Variants in CACNA1E observed in about 807,000 individuals in gnomAD.
The protein encoded by CACNA1E is calcium voltage-gated channel subunit alpha1 E.
CACNA1E carries 40 observed loss-of-function variants against 259.2 expected under a neutral mutation model. The ratio of observed to expected loss-of-function variants is 0.15; its 90% CI spans 0.12 to 0.20. CACNA1E has a LOEUF of 0.20. Among genes scored for constraint, CACNA1E ranks in the 10% least tolerant of loss-of-function variants. The pLI is 1.00. For synonymous variants in CACNA1E, 1,104 were observed against 1,138.5 expected (o/e 0.97, Z 0.61); for missense variants, 1,874 against 3,040.1 (o/e 0.62, Z 9.02).
At chr1:181,405,110 C>G (rs1312713315) in intron 1 of CACNA1E, among the ~76,000 whole-genome samples, 1 of 152,216 alleles carries the variant, frequency 6.6e-6, no homozygotes, top group African/African-American at 2.4e-5. Flanking sequence ...AATCTGCCAG[C>G]ACAAACAGTG....
chr1:181,507,676 TGTGCTTATC>T (rs922958065), intron 1 of CACNA1E, among the ~76,000 whole-genome samples: 2 of 152,210 alleles, frequency 1.3e-5, no homozygotes, highest in Non-Finnish European at 2.9e-5. Context: ...CTTTGAAGCC[TGTGCTTATC>T]ACTTTCAGGT....
intron 1 of CACNA1E, among the ~76,000 whole-genome samples, chr1:181,509,688 A>C (rs965096134): frequency 2.0e-5 from 3 of 152,206 alleles, no homozygotes; most frequent in Admixed American, 6.5e-5. Context: ...GAAAAGGCAC[A>C]GGGAGCACCT....
chr1:181,351,924 T>C (rs1653074136), intron 1 of CACNA1E, among the ~76,000 whole-genome samples: 1 of 152,188 alleles, frequency 6.6e-6, no homozygotes, highest in Non-Finnish European at 1.5e-5. Flanking sequence ...CATAGTTGGC[T>C]GTTATTCAGC....
intron 6 of CACNA1E, among the ~76,000 whole-genome samples, chr1:181,619,351 A>G (rs1197988252): frequency 6.6e-6 from 1 of 152,164 alleles, no homozygotes; most frequent in Non-Finnish European, 1.5e-5. Flanking sequence ...GCAAGTGTGA[A>G]GGCCCTGAGG....
intron 1 of CACNA1E, among the ~76,000 whole-genome samples, chr1:181,500,399 ATGGTAGCT>A (rs1353130445): frequency 1.3e-5 from 2 of 152,226 alleles, no homozygotes; most frequent in African/African-American, 4.8e-5. Flanking sequence ...TGATATCAAG[ATGGTAGCT>A]TGAAATTGGC....
intron 1 of CACNA1E, among the ~76,000 whole-genome samples, chr1:181,339,391 T>G (rs1651975422): frequency 6.6e-6 from 1 of 152,168 alleles, no homozygotes; most frequent in African/African-American, 2.4e-5. Flanking sequence ...CTTGGTTAAA[T>G]TTATTCCTGA....
intron 25 of CACNA1E, among the ~76,000 whole-genome samples, chr1:181,740,919 A>T (rs1024640015): frequency 1.3e-5 from 2 of 152,226 alleles, no homozygotes; most frequent in Admixed American, 1.3e-4. Context: ...TGGCTCCAAA[A>T]GAGGGACTTC....
At chr1:181,631,297 G>C (rs1380874844) in intron 6 of CACNA1E, among the ~76,000 whole-genome samples, 1 of 152,186 alleles carries the variant, frequency 6.6e-6, no homozygotes, top group Non-Finnish European at 1.5e-5. Context: ...TGATGTTTCA[G>C]GTCCAGGGTG....
chr1:181,548,416 G>A (rs1048354461), intron 3 of CACNA1E, among the ~76,000 whole-genome samples: 4 of 152,026 alleles, frequency 2.6e-5, no homozygotes, highest in East Asian at 1.9e-4. Flanking sequence ...GTGAGCCACC[G>A]TGCCCAGCCT....
At chr1:181,636,889 A>G (rs1657263167) in intron 6 of CACNA1E, among the ~76,000 whole-genome samples, 1 of 152,214 alleles carries the variant, frequency 6.6e-6, no homozygotes, top group African/African-American at 2.4e-5. Context: ...TGCTGTCAGC[A>G]TTATCAGAGC....
At chr1:181,642,275 A>C (rs1366542956) in intron 6 of CACNA1E, among the ~76,000 whole-genome samples, 2 of 152,148 alleles carry the variant, frequency 1.3e-5, no homozygotes, top group Non-Finnish European at 2.9e-5. Flanking sequence ...AAGATGATAA[A>C]GGTTAGAGTA....
chr1:181,359,062 A>C (rs1436733492), intron 1 of CACNA1E, among the ~76,000 whole-genome samples: 1 of 152,174 alleles, frequency 6.6e-6, no homozygotes, highest in Non-Finnish European at 1.5e-5. Context: ...TCCTTGATAA[A>C]TTCTTTACCT....
chr1:181,803,248 AGAAG>A lies in CACNA1E; in HGVS notation c.*4419_*4422del, dbSNP rs1441367795. ...AGGAGAGGACTTTATGATGCAGGAA[AGAAG>A]GAAGAAGTGGGTCCCTTGCAAGTGG... On this transcript the variant is annotated 3_prime_UTR_variant, in exon 48 of 48. Transcript: ENST00000367573. 4 of 138,310 alleles carry A rather than the reference AGAAG, an allele frequency of 2.9e-5. No individual in the cohort carries two copies. Among genetic ancestry groups the A allele is most frequent in the African/African-American group, 1.2e-4 (4 of 33,218 alleles). 8.6% of individuals were successfully genotyped at this position (138,310 alleles called of 1,614,324 possible). A position where few individuals can be genotyped will look rare whatever the true frequency, so the allele number is the denominator to read the frequency against.
chr1:181,372,828 A>ATATATAT lies in CACNA1E; in HGVS notation c.-14-40304_-14-40303insATATATT, dbSNP rs1491221060. Reference sequence around the variant, plus strand: ...ATGTTGAATATATATATATATATATATTTTTTTTTTAACATGAAGGGATAT... The same window carrying ATATATAT: ...ATGTTGAATATATATATATATATATATATATATTTTTTTTTTTAACATGAAGGGATAT... On this transcript the variant is annotated intron_variant, in intron 1 of 11. Coordinates refer to the CACNA1E transcript ENST00000524607. 2.1e-3 allele frequency among the ~76,000 whole-genome samples: 214 copies of ATATATAT among 101,636 alleles called. 1 individual carries two copies. In the East Asian group the frequency reaches 0.023, roughly 11 times the overall value. 66.7% of individuals were successfully genotyped at this position (101,636 alleles called of 152,430 possible). A position where few individuals can be genotyped will look rare whatever the true frequency, so the allele number is the denominator to read the frequency against.
At chr1:181,542,880 T>C (rs1449152298) in intron 3 of CACNA1E, among the ~76,000 whole-genome samples, 1 of 149,296 alleles carries the variant, frequency 6.7e-6, no homozygotes, top group Non-Finnish European at 1.5e-5. Flanking sequence ...TATAAGGGGT[T>C]TGATGTGTTT....
intron 18 of CACNA1E, among the ~76,000 whole-genome samples, chr1:181,727,617 G>A (rs1490786275): frequency 6.6e-6 from 1 of 152,120 alleles, no homozygotes; most frequent in Admixed American, 6.5e-5. Context: ...GGCCCTGCGT[G>A]GCCTGGTCTC....
At chr1:181,351,323 G>A (rs1653030689) in intron 1 of CACNA1E, among the ~76,000 whole-genome samples, 1 of 152,204 alleles carries the variant, frequency 6.6e-6, no homozygotes, top group Non-Finnish European at 1.5e-5. Flanking sequence ...GAAGTGCTCA[G>A]AGTCCATGAG....
chr1:181,642,436 G>A (rs1021210904), intron 6 of CACNA1E, among the ~76,000 whole-genome samples: 1 of 152,060 alleles, frequency 6.6e-6, no homozygotes, highest in Non-Finnish European at 1.5e-5. Flanking sequence ...GTTGAAGAGC[G>A]GTTACCTTGG....
chr1:181,337,723 T>G (rs1265570927), intron 1 of CACNA1E, among the ~76,000 whole-genome samples: 1 of 152,242 alleles, frequency 6.6e-6, no homozygotes. Flanking sequence ...TATTCCATTC[T>G]GTACATATAT....
Sources: allele counts gnomAD v4.1 joint callset (sites outside exome capture counted in the v4.1 genomes callset), GRCh38; gene constraint gnomAD v4.1.1; transcripts MANE v1.5; gene names NCBI Gene and HGNC (gene_info 2026-07-23, HGNC 2026-07-21).